Variants in FER observed in about 807,000 individuals in gnomAD.
FER encodes the protein FER tyrosine kinase, also known as tyrosine-protein kinase Fer.
FER carries 63 observed loss-of-function variants against 111.0 expected under a neutral mutation model. The ratio of observed to expected loss-of-function variants is 0.57; its 90% confidence interval spans 0.46 to 0.70. The LOEUF is 0.70. Among genes scored for constraint, FER ranks in the 30% least tolerant of loss-of-function variants. The pLI, the probability that FER is intolerant of heterozygous loss-of-function variation, is 0.00. For missense variants in FER, 914 were observed against 954.0 expected (o/e 0.96, Z 0.55); for synonymous variants, 327 against 313.9 (o/e 1.04, Z -0.44).
intron 14 of FER, among the ~76,000 whole-genome samples, chr5:109,038,177 T>C (rs1770659268): frequency 6.6e-6 from 1 of 151,968 alleles, no homozygotes; most frequent in African/African-American, 2.4e-5. Flanking sequence ...TAATAACTTT[T>C]ATTTATAATT....
At chr5:108,859,650 A>G (rs1763322044) in intron 5 of FER, among the ~76,000 whole-genome samples, 1 of 152,150 alleles carries the variant, frequency 6.6e-6, no homozygotes, top group Admixed American at 6.5e-5. Context: ...TGGAATGTAG[A>G]TTTGGACATG....
At position 109,056,640 on chromosome 5, in the gene FER, G is replaced by A. The variant is rs138137219; in HGVS notation, c.1924+9442G>A. Among the ~76,000 whole-genome samples, 700 of 152,240 alleles carry A rather than the reference G, an allele frequency of 4.6e-3. 5 individuals are homozygous for A. The highest frequency in any genetic ancestry group is 0.016 in the African/African-American group (663 of 41,566). On this transcript the variant is annotated intron_variant, in intron 16 of 19. Coordinates refer to ENST00000281092, the MANE Select transcript of FER (RefSeq NM_005246.4). ...ATGTAGAATGATCAAGTCTAGAGATGTAATTTACAACATGTGAACTATAGG... is the reference window on the plus strand; with the variant it reads ...ATGTAGAATGATCAAGTCTAGAGATATAATTTACAACATGTGAACTATAGG...
intron 9 of FER, among the ~76,000 whole-genome samples, chr5:108,884,505 A>T (rs1230116372): frequency 2.8e-5 from 4 of 143,200 alleles, no homozygotes; most frequent in African/African-American, 8.1e-5. Context: ...TTCATTTCTT[A>T]TGCCTGGTTT....
intron 17 of FER, among the ~76,000 whole-genome samples, chr5:109,180,409 C>T (rs1399339826): frequency 1.3e-5 from 2 of 152,170 alleles, no homozygotes; most frequent in Non-Finnish European, 2.9e-5. Context: ...CTTTATTGGA[C>T]AATGCTGCTC....
chr5:109,166,029 A>C (rs1364763358), intron 17 of FER, among the ~76,000 whole-genome samples: 3 of 152,066 alleles, frequency 2.0e-5, no homozygotes, highest in Non-Finnish European at 4.4e-5. Flanking sequence ...TTCCAGCTAT[A>C]GTTGTTTCAG....
chr5:108,824,118 C>G (rs1759190614), intron 3 of FER, among the ~76,000 whole-genome samples: 1 of 152,004 alleles, frequency 6.6e-6, no homozygotes, highest in South Asian at 2.1e-4. Flanking sequence ...TGTGCTCCCT[C>G]TATTCTTCCA....
In FER at chr5:109,191,985, T is replaced by G. The variant is rs1759416290; in HGVS notation, c.*4410T>G. On this transcript the variant is annotated 3_prime_UTR_variant, in exon 20 of 20. Coordinates refer to ENST00000281092, the MANE Select transcript of FER (RefSeq NM_005246.4). ...ACTATACCTTAGCCATAATTCAATT[T>G]AATGAAATACTACCCCATTAAAAGC... 6.6e-6 allele frequency: 1 copy of G among 152,174 alleles called. No individual in the cohort carries two copies. The highest frequency in any genetic ancestry group is 1.5e-5 in the Non-Finnish European group (1 of 68,016). The allele number at this position is 152,174 out of a possible 1,614,324, so 9.4% of individuals were successfully genotyped here. A position where few individuals can be genotyped will look rare whatever the true frequency, so the allele number is the denominator to read the frequency against.
At chr5:108,843,324 C>T (rs1463756180) in intron 5 of FER, among the ~76,000 whole-genome samples, 1 of 152,138 alleles carries the variant, frequency 6.6e-6, no homozygotes, top group Non-Finnish European at 1.5e-5. Flanking sequence ...AGAAAGGTCT[C>T]AGATGATCCT....
At chr5:108,791,082 A>G (rs1755314191) in intron 2 of FER, among the ~76,000 whole-genome samples, 1 of 152,158 alleles carries the variant, frequency 6.6e-6, no homozygotes, top group Non-Finnish European at 1.5e-5. Flanking sequence ...CTTTGCAGCT[A>G]TTGTGAATAA....
chr5:108,860,022 A>G (rs1178041447), intron 5 of FER, among the ~76,000 whole-genome samples: 2 of 150,804 alleles, frequency 1.3e-5, no homozygotes, highest in Admixed American at 1.3e-4. Context: ...GCTCACTGCA[A>G]CCTCCACCTC....
At chr5:109,160,347 T>G (rs1002394422) in intron 17 of FER, among the ~76,000 whole-genome samples, 5 of 152,158 alleles carry the variant, frequency 3.3e-5, no homozygotes, top group Non-Finnish European at 7.4e-5. Flanking sequence ...GCATCCTAAA[T>G]GCAAACTGGT....
At chr5:109,147,284 C>T (rs1322544305) in intron 17 of FER, among the ~76,000 whole-genome samples, 4 of 151,892 alleles carry the variant, frequency 2.6e-5, no homozygotes, top group East Asian at 1.9e-4. Flanking sequence ...TGCTATGAAT[C>T]GATGTGAATA....
intron 3 of FER, among the ~76,000 whole-genome samples, chr5:108,819,316 C>G (rs1166527599): frequency 6.6e-6 from 1 of 152,038 alleles, no homozygotes; most frequent in Non-Finnish European, 1.5e-5. Flanking sequence ...GCATGTCCCA[C>G]TGCACCTGGC....
intron 14 of FER, among the ~76,000 whole-genome samples, chr5:109,038,375 T>G (rs1770686956): frequency 6.6e-6 from 1 of 151,940 alleles, no homozygotes; most frequent in African/African-American, 2.4e-5. Flanking sequence ...AGGCTCAGCA[T>G]TTTAGATGAA....
intron 13 of FER, among the ~76,000 whole-genome samples, chr5:108,980,594 C>T (rs1761918612): frequency 6.6e-6 from 1 of 152,066 alleles, no homozygotes; most frequent in South Asian, 2.1e-4. Flanking sequence ...ATGTCACAGA[C>T]TAATCTGTTT....
intron 3 of FER, among the ~76,000 whole-genome samples, chr5:108,822,424 C>T (rs1292686096): frequency 2.0e-5 from 3 of 152,206 alleles, no homozygotes; most frequent in Admixed American, 6.5e-5. Context: ...TCAAGGTCAT[C>T]ACCCTGGCTT....
intron 8 of FER, among the ~76,000 whole-genome samples, chr5:108,876,897 C>T (rs1251943560): frequency 6.6e-6 from 1 of 152,132 alleles, no homozygotes; most frequent in Admixed American, 6.5e-5. Flanking sequence ...ATTACGATAA[C>T]ATGTGCCCAG....
At chr5:109,061,426 T>C (rs1774399437) in intron 16 of FER, among the ~76,000 whole-genome samples, 1 of 152,196 alleles carries the variant, frequency 6.6e-6, no homozygotes, top group Non-Finnish European at 1.5e-5. Context: ...GAAGTTATTA[T>C]TTCCATTTAC....
At chr5:109,124,325 A>G (rs1751391384) in intron 17 of FER, among the ~76,000 whole-genome samples, 1 of 152,222 alleles carries the variant, frequency 6.6e-6, no homozygotes, top group Non-Finnish European at 1.5e-5. Context: ...CATTAACTAA[A>G]TGCTGTGGGA....
Sources: allele counts gnomAD v4.1 joint callset (sites outside exome capture counted in the v4.1 genomes callset), GRCh38; gene constraint gnomAD v4.1.1; transcripts MANE v1.5; gene names NCBI Gene and HGNC (gene_info 2026-07-23, HGNC 2026-07-21).